Variants in WWOX observed in about 807,000 individuals in gnomAD.
WWOX encodes the protein WW domain-containing oxidoreductase.
In WWOX, 69 loss-of-function variants were observed where a neutral mutation model predicts 46.2. The observed-to-expected ratio is 1.49, with a 90% CI of 1.23 to 1.82. WWOX has a LOEUF of 1.82. Among genes scored for constraint, WWOX ranks in the 40% most tolerant of loss-of-function variants. WWOX has a pLI of 0.00. For missense variants in WWOX, 919 were observed against 542.6 expected (o/e 1.69, Z -6.89); for synonymous variants, 359 against 202.6 (o/e 1.77, Z -6.56).
intron 4 of WWOX, among the ~76,000 whole-genome samples, chr16:78,157,944 A>G (rs1297979385): frequency 6.6e-6 from 1 of 152,228 alleles, no homozygotes; most frequent in Non-Finnish European, 1.5e-5. Context: ...TACTATGATT[A>G]TGTTAGGCTC....
At chr16:78,662,639 A>T (rs1048825199) in intron 8 of WWOX, among the ~76,000 whole-genome samples, 2 of 152,340 alleles carry the variant, frequency 1.3e-5, no homozygotes, top group East Asian at 1.9e-4. Context: ...ACATAAAACA[A>T]CATACATTCA....
chr16:78,220,039 G>A (rs1707330734), intron 5 of WWOX, among the ~76,000 whole-genome samples: 1 of 152,182 alleles, frequency 6.6e-6, no homozygotes, highest in African/African-American at 2.4e-5. Context: ...GATGAATTCA[G>A]AATTAATTTA....
chr16:78,488,470 T>A (rs1025640645), intron 8 of WWOX, among the ~76,000 whole-genome samples: 1 of 152,162 alleles, frequency 6.6e-6, no homozygotes, highest in Admixed American at 6.5e-5. Flanking sequence ...TTCCTGAGAT[T>A]CCCTCTTTAA....
At chr16:79,131,481 G>A (rs1039514454) in intron 8 of WWOX, among the ~76,000 whole-genome samples, 2 of 152,096 alleles carry the variant, frequency 1.3e-5, no homozygotes, top group Non-Finnish European at 2.9e-5. Context: ...TTTATGAAAT[G>A]TTAAGCAATA....
chr16:78,171,325 G>T (rs987621761), intron 5 of WWOX, among the ~76,000 whole-genome samples: 1 of 152,042 alleles, frequency 6.6e-6, no homozygotes, highest in Non-Finnish European at 1.5e-5. Context: ...CTACTTTTAG[G>T]CTCCTTAAAA....
rs543871383 is a variant in WWOX, at chr16:78,254,258, T to C, written c.516+89969T>C. Among the ~76,000 whole-genome samples, 4 of 151,922 alleles carry C rather than the reference T, an allele frequency of 2.6e-5. 1 individual carries two copies. The East Asian group carries it at 7.8e-4, about 30-fold the overall frequency. ...TTTTGAAACTATTTGTAGAGATTGG[T>C]GGCAGGGTTGGAGGGCAGGTCTCAT... is the stretch of plus-strand genomic sequence containing the variant. On this transcript the variant is annotated intron_variant, in intron 5 of 8. Coordinates refer to ENST00000566780, the MANE Select transcript of WWOX (RefSeq NM_016373.4).
At chr16:78,915,791 C>T (rs575337530) in intron 8 of WWOX, among the ~76,000 whole-genome samples, 1 of 152,314 alleles carries the variant, frequency 6.6e-6, no homozygotes, top group East Asian at 1.9e-4. Flanking sequence ...TGGTATCGTT[C>T]ACATGTGTTT....
intron 8 of WWOX, among the ~76,000 whole-genome samples, chr16:78,719,625 C>G (rs1372391865): frequency 2.0e-5 from 3 of 152,182 alleles, no homozygotes; most frequent in Non-Finnish European, 4.4e-5. Flanking sequence ...TTTTAATAAG[C>G]TAGTCAGGTA....
At chr16:78,884,195 C>A (rs764095833) in intron 8 of WWOX, among the ~76,000 whole-genome samples, 1 of 149,696 alleles carries the variant, frequency 6.7e-6, no homozygotes, top group Non-Finnish European at 1.5e-5. Flanking sequence ...TCACCTGAGC[C>A]CAGGGAGGTC....
At chr16:78,435,969 T>A (rs916753191) in intron 8 of WWOX, among the ~76,000 whole-genome samples, 44 of 152,206 alleles carry the variant, frequency 2.9e-4, no homozygotes, top group African/African-American at 9.2e-4. Context: ...GTTCTAAAAA[T>A]GTGGCTAATA....
At chr16:78,878,338 C>T (rs1048040581) in intron 8 of WWOX, among the ~76,000 whole-genome samples, 1 of 152,126 alleles carries the variant, frequency 6.6e-6, no homozygotes, top group East Asian at 1.9e-4. Context: ...TGCAGGCAGG[C>T]CCCTGGGTTC....
chr16:78,336,553 G>A (rs899147568), intron 5 of WWOX, among the ~76,000 whole-genome samples: 1 of 149,514 alleles, frequency 6.7e-6, no homozygotes, highest in Non-Finnish European at 1.5e-5. Context: ...AGATAACAGA[G>A]GGAGCAAAGG....
chr16:78,996,146 T>C, intron 8 of WWOX: 2 of 933,324 alleles, frequency 2.1e-6, no homozygotes, highest in Non-Finnish European at 2.5e-6. Context: ...ATGTTCTTTT[T>C]TTTAATTTTT....
At chr16:79,097,077 C>A (rs1378266465) in intron 8 of WWOX, among the ~76,000 whole-genome samples, 1 of 151,166 alleles carries the variant, frequency 6.6e-6, no homozygotes, top group Non-Finnish European at 1.5e-5. Flanking sequence ...TTTTTTTTAA[C>A]TTCAACACCA....
chr16:78,911,051 C>T (rs1022389644), intron 8 of WWOX, among the ~76,000 whole-genome samples: 2 of 151,380 alleles, frequency 1.3e-5, no homozygotes, highest in Admixed American at 6.6e-5. Flanking sequence ...CACAGCCTGT[C>T]GACTTCCATC....
At chr16:78,375,926 A>C (rs1292425350) in intron 5 of WWOX, among the ~76,000 whole-genome samples, 1 of 147,676 alleles carries the variant, frequency 6.8e-6, no homozygotes, top group African/African-American at 2.5e-5. Context: ...ATGTTGGCTC[A>C]CTGCAACTCC....
intron 8 of WWOX, among the ~76,000 whole-genome samples, chr16:78,766,246 G>A (rs1246866091): frequency 2.0e-5 from 3 of 152,178 alleles, no homozygotes; most frequent in East Asian, 1.9e-4. Flanking sequence ...ATCACCTAGC[G>A]CTGGTAGAAA....
At chr16:78,637,400 C>T (rs1267573523) in intron 8 of WWOX, among the ~76,000 whole-genome samples, 1 of 151,214 alleles carries the variant, frequency 6.6e-6, no homozygotes, top group Non-Finnish European at 1.5e-5. Context: ...AAGACAGTGC[C>T]ACTGTGTTCC....
At chr16:79,094,598 T>G (rs1402809481) in intron 8 of WWOX, among the ~76,000 whole-genome samples, 3 of 152,066 alleles carry the variant, frequency 2.0e-5, no homozygotes, top group Non-Finnish European at 4.4e-5. Context: ...ACAAACTGCA[T>G]CAGAGTAACC....
Sources: allele counts gnomAD v4.1 joint callset (sites outside exome capture counted in the v4.1 genomes callset), GRCh38; gene constraint gnomAD v4.1.1; transcripts MANE v1.5; gene names NCBI Gene and HGNC (gene_info 2026-07-23, HGNC 2026-07-21).